The following CDADC1 variants were observed in gnomAD, a reference collection of about 807,000 sequenced individuals.
The protein encoded by CDADC1 is dCTP deaminase.
Under a neutral mutation model 54.9 loss-of-function variants are expected in CDADC1, and 39 were observed. The ratio of observed to expected loss-of-function variants is 0.71; its 90% CI spans 0.55 to 0.93. The LOEUF (loss-of-function observed/expected upper bound fraction) is 0.93. Among genes scored for constraint, CDADC1 ranks in the 40% least tolerant of loss-of-function variants. The probability of loss-of-function intolerance (pLI) is 0.00; values close to 1 mark genes in which losing one functional copy is unlikely to be tolerated. For missense variants in CDADC1, 518 were observed against 618.8 expected, an observed-to-expected ratio of 0.84 and a Z score of 1.73; for synonymous variants, 186 against 204.0, an observed-to-expected ratio of 0.91 and a Z score of 0.75.
At chr13:49,284,092 C>T (rs1442299438) in intron 8 of CDADC1, among the ~76,000 whole-genome samples, 1 of 152,144 alleles carries the variant, frequency 6.6e-6, no homozygotes, top group East Asian at 1.9e-4. Context: ...TAGTTCTATT[C>T]TGTGGTGTTG....
chr13:49,283,951 G>T (rs929969961), intron 8 of CDADC1, among the ~76,000 whole-genome samples: 19 of 152,198 alleles, frequency 1.2e-4, no homozygotes, highest in African/African-American at 4.6e-4. Context: ...CTGAATTTCA[G>T]TACCAAGATT....
At chr13:49,255,739 G>T in intron 2 of CDADC1, 100 bp from the exon 3 acceptor site, 1 of 1,419,556 alleles carries the variant, frequency 7.0e-7, no homozygotes, top group South Asian at 1.3e-5. Context: ...AAAAAAAAAT[G>T]GTCAAAGCCA....
At position 49,268,022 on chromosome 13, in the gene CDADC1, C is replaced by T. The variant is rs767246088; in HGVS notation, c.963C>T (p.His321=). ...GTTTGCCACAGGAAATTGCAAGGCA[C>T]TGCATGGTTCAGGCCAGGTTATTGG... is the stretch of plus-strand genomic sequence containing the variant. The part of the protein sequence containing the change: ...NQSLPQEIAR[H]CMVQARLLAY... Residue 321 remains histidine (H), a synonymous_variant, in exon 5 of 10, where the codon CAC becomes CAT. Transcript: ENST00000251108. 8 of 1,613,334 alleles carry T rather than the reference C, an allele frequency of 5.0e-6. No homozygotes were observed. In the African/African-American group the frequency reaches 5.3e-5, roughly 11 times the overall value.
At chr13:49,281,241 T>G (rs1441303266) in intron 8 of CDADC1, among the ~76,000 whole-genome samples, 1 of 152,200 alleles carries the variant, frequency 6.6e-6, no homozygotes, top group Non-Finnish European at 1.5e-5. Flanking sequence ...TACATCTCTG[T>G]AGAGAATTGA....
chr13:49,250,382 A>ATG (rs1220983406), intron 2 of CDADC1, among the ~76,000 whole-genome samples: 1 of 152,228 alleles, frequency 6.6e-6, no homozygotes, highest in Non-Finnish European at 1.5e-5. Context: ...CATTTAAACA[A>ATG]TTAAAACAGA....
At chr13:49,262,995 A>G (rs1031562904) in intron 4 of CDADC1, among the ~76,000 whole-genome samples, 1 of 152,178 alleles carries the variant, frequency 6.6e-6, no homozygotes, top group Non-Finnish European at 1.5e-5. Flanking sequence ...CATCTTTTTA[A>G]TATTCTGTGT....
chr13:49,253,938 A>C (rs1183069511), intron 2 of CDADC1, among the ~76,000 whole-genome samples: 1 of 152,206 alleles, frequency 6.6e-6, no homozygotes, highest in African/African-American at 2.4e-5. Context: ...ATAATGGTTA[A>C]GACAATGGAT....
chr13:49,273,885 G>T (rs1224004833), intron 5 of CDADC1, among the ~76,000 whole-genome samples: 1 of 152,206 alleles, frequency 6.6e-6, no homozygotes, highest in Non-Finnish European at 1.5e-5. Context: ...GTTGTGAACA[G>T]TTATTACACA....
chr13:49,275,716 TATATATATATAGAGAGAG>T (rs1953098485), intron 6 of CDADC1, among the ~76,000 whole-genome samples: 3 of 58,082 alleles, frequency 5.2e-5, no homozygotes, highest in African/African-American at 7.6e-5. Flanking sequence ...TATATATATA[TATATATATATAGAGAGAG>T]AGAGAGAGAG....
chr13:49,254,710 A>G (rs1336503895), intron 2 of CDADC1, among the ~76,000 whole-genome samples: 3 of 152,070 alleles, frequency 2.0e-5, no homozygotes. Context: ...TATCTCACCT[A>G]TTTTGGAGCT....
At chr13:49,251,402 A>G (rs1007784225) in intron 2 of CDADC1, among the ~76,000 whole-genome samples, 3 of 148,282 alleles carry the variant, frequency 2.0e-5, no homozygotes, top group African/African-American at 7.8e-5. Context: ...AAAAAAAAGA[A>G]AAAAAAAAGA....
Position 49,286,238 on chromosome 13 carries a change from C to T in CDADC1, c.1427C>T (p.Ser476Leu), listed in dbSNP as rs1343303479. The T allele has an allele frequency of 6.2e-7, 1 of 1,613,476 alleles. No individual in the cohort carries two copies. The highest frequency in any genetic ancestry group is 8.5e-7 in the Non-Finnish European group (1 of 1,179,446). The change falls in exon 9 of 10, where the codon TCA (serine) becomes TTA (leucine). Residue 476 changes from serine (S) to leucine (L), a missense_variant. Transcript: ENST00000251108. Reference protein sequence around the residue: ...VSKFTWQLNPSGAYGLEQNEP... With the variant: ...VSKFTWQLNPLGAYGLEQNEP... ...CTCTTACAGTGGCAGCTGAATCCAT[C>T]AGGAGCTTATGGTCTTGAACAAAAT...
At chr13:49,277,343 C>T (rs1416020989) in intron 6 of CDADC1, among the ~76,000 whole-genome samples, 8 of 151,848 alleles carry the variant, frequency 5.3e-5, no homozygotes, top group Non-Finnish European at 8.8e-5. Context: ...TAGTGACATA[C>T]GCCTGTGGTC....
rs766010433 is a variant in CDADC1, at chr13:49,248,876, A to C, written c.88A>C (p.Ile30Leu). The C allele has an allele frequency of 2.5e-6, 4 of 1,598,004 alleles. No individual in the cohort carries two copies. In the South Asian group the frequency reaches 4.4e-5, roughly 18 times the overall value. ...GTTTGTCGTCTCTTTTGTAGGTCAG[A>C]TACCAAGGCTTTCTAAAGTCAACCT... ...STQTGSMTGQ[I>L]PRLSKVNLFT... Residue 30 changes from isoleucine to leucine, a missense_variant, in exon 2 of 10, where the codon ATA becomes CTA. By Grantham distance (5) the Ile-to-Leu change is conservative. Coordinates refer to ENST00000251108, the MANE Select transcript of CDADC1 (RefSeq NM_030911.4).
intron 8 of CDADC1, among the ~76,000 whole-genome samples, chr13:49,283,312 T>TAA (rs956266482): frequency 1.3e-5 from 2 of 152,172 alleles, no homozygotes; most frequent in African/African-American, 4.8e-5. Context: ...TTGTCTTATT[T>TAA]AAAGTTTATC....
intron 3 of CDADC1, among the ~76,000 whole-genome samples, chr13:49,258,790 T>C (rs1215876512): frequency 6.6e-6 from 1 of 152,238 alleles, no homozygotes; most frequent in East Asian, 1.9e-4. Context: ...GTGCTAAAAA[T>C]TGATACAGCC....
chr13:49,262,922 A>T (rs1288425047), intron 4 of CDADC1, among the ~76,000 whole-genome samples: 1 of 152,238 alleles, frequency 6.6e-6, no homozygotes, highest in Non-Finnish European at 1.5e-5. Context: ...CCAGTTTTAC[A>T]TAAGAAGGTC....
chr13:49,248,225 G>C (rs986397155), intron 1 of CDADC1, 106 bp downstream of exon 1: 3 of 1,024,172 alleles, frequency 2.9e-6, no homozygotes, highest in African/African-American at 3.2e-5. Context: ...TGCCTCCCCT[G>C]CTGCTTTTGG....
chr13:49,259,305 G>A (rs138009628), intron 3 of CDADC1, 41 bp from the exon 4 acceptor site: 1 of 1,275,068 alleles, frequency 7.8e-7, no homozygotes, highest in Admixed American at 2.0e-5. Context: ...TGATTATTAG[G>A]TGTTATAACT....
Sources: gnomAD v4.1 joint callset for allele counts (sites outside exome capture counted in the v4.1 genomes callset) on GRCh38, gnomAD v4.1.1 for gene constraint, MANE v1.5 for transcripts, NCBI Gene and HGNC (gene_info 2026-07-23, HGNC 2026-07-21) for gene names.